Variants in GRM1 observed in about 807,000 individuals in gnomAD.
The protein encoded by GRM1 is metabotropic glutamate receptor 1.
GRM1 carries 33 observed loss-of-function variants against 90.9 expected under a neutral mutation model. The observed-to-expected ratio is 0.36, with a 90% CI of 0.28 to 0.49. GRM1 has a LOEUF of 0.49. Among genes scored for constraint, GRM1 ranks in the 20% least tolerant of loss-of-function variants. GRM1 has a pLI of 0.99. For missense variants in GRM1, 1,190 were observed against 1,534.3 expected (o/e 0.78, Z 3.75); for synonymous variants, 700 against 613.2 (o/e 1.14, Z -2.09).
rs772966925 is a variant in GRM1, at chr6:146,159,639, T to TCA, written c.950+43_950+44insAC. ...CTCTCTCTCTCTCTCTCTCTCTCTC[T>TCA]CTCACACACACACATGCACACACAC... On this transcript the variant is annotated intron_variant, in intron 2 of 7. Coordinates refer to ENST00000282753, the MANE Select transcript of GRM1 (RefSeq NM_001278064.2). 328 of 1,126,874 alleles carry TCA rather than the reference T, an allele frequency of 2.9e-4. 6 individuals carry two copies. The African/African-American group carries it at 5.2e-3, about 18-fold the overall frequency. 69.8% of individuals were successfully genotyped at this position (1,126,874 alleles called of 1,614,324 possible).
intron 2 of GRM1, among the ~76,000 whole-genome samples, chr6:146,276,151 T>C (rs1458902682): frequency 6.6e-6 from 1 of 152,218 alleles, no homozygotes; most frequent in Non-Finnish European, 1.5e-5. Flanking sequence ...GGCCTAGAGC[T>C]ATCTTAAAAT....
At chr6:146,379,930 GTCTCTCTCTCTCTC>G (rs56732675) in intron 5 of GRM1, among the ~76,000 whole-genome samples, 1 of 147,760 alleles carries the variant, frequency 6.8e-6, no homozygotes, top group Non-Finnish European at 1.5e-5. Context: ...TACAGAGTCT[GTCTCTCTCTCTCTC>G]TCTCTCTCTC....
intron 1 of GRM1, among the ~76,000 whole-genome samples, chr6:146,122,174 A>G (rs923979900): frequency 6.6e-6 from 1 of 152,176 alleles, no homozygotes; most frequent in Non-Finnish European, 1.5e-5. Context: ...TTTTGTCTAG[A>G]TAAAAATCTT....
intron 2 of GRM1, among the ~76,000 whole-genome samples, chr6:146,293,380 A>G (rs140437445): frequency 2.6e-4 from 40 of 152,190 alleles, no homozygotes; most frequent in Middle Eastern, 3.4e-3. Flanking sequence ...ATGTCTCTAC[A>G]GGACTGACTT....
At chr6:146,311,711 A>G (rs769222116) in intron 3 of GRM1, among the ~76,000 whole-genome samples, 3 of 152,182 alleles carry the variant, frequency 2.0e-5, no homozygotes, top group Non-Finnish European at 4.4e-5. Flanking sequence ...AAAATAGTTT[A>G]TTTCTTATAA....
intron 2 of GRM1, among the ~76,000 whole-genome samples, chr6:146,190,028 G>C (rs757245967): frequency 6.6e-6 from 1 of 152,170 alleles, no homozygotes; most frequent in Non-Finnish European, 1.5e-5. Flanking sequence ...ATAGGGCCTT[G>C]GAGTTGTTGA....
At chr6:146,318,313 C>T (rs1036460576) in intron 3 of GRM1, among the ~76,000 whole-genome samples, 2 of 152,148 alleles carry the variant, frequency 1.3e-5, no homozygotes, top group African/African-American at 4.8e-5. Flanking sequence ...ATCCATGTCC[C>T]TGCAAAGGAC....
intron 5 of GRM1, among the ~76,000 whole-genome samples, chr6:146,372,719 CT>C (rs1775948823): frequency 6.6e-6 from 1 of 152,002 alleles, no homozygotes; most frequent in South Asian, 2.1e-4. Flanking sequence ...AAGATGATGT[CT>C]TTTTCCTAGT....
At position 146,156,124 on chromosome 6, in the gene GRM1, G is replaced by A. The variant is rs116972845; in HGVS notation, c.701-3224G>A. Among the ~76,000 whole-genome samples, 39 of 152,132 alleles carry A rather than the reference G, an allele frequency of 2.6e-4. No homozygotes were observed. The East Asian group carries it at 6.0e-3, about 23-fold the overall frequency. On this transcript the variant is annotated intron_variant, in intron 1 of 7. Coordinates refer to ENST00000282753, the MANE Select transcript of GRM1 (RefSeq NM_001278064.2). Reference sequence around the variant, plus strand: ...GCTACCATGAAAGTAGGCTTCTATCGGCCAGGCACAGTGACTCATGCCTGT... The same window carrying A: ...GCTACCATGAAAGTAGGCTTCTATCAGCCAGGCACAGTGACTCATGCCTGT...
chr6:146,093,042 C>T (rs1331652099), intron 1 of GRM1, among the ~76,000 whole-genome samples: 1 of 151,988 alleles, frequency 6.6e-6, no homozygotes, highest in African/African-American at 2.4e-5. Flanking sequence ...CCACATTATT[C>T]GTCTTAGGTA....
intron 1 of GRM1, among the ~76,000 whole-genome samples, chr6:146,041,946 G>A (rs1273869624): frequency 1.3e-5 from 2 of 151,990 alleles, no homozygotes; most frequent in African/African-American, 4.8e-5. Context: ...GGTGTCTGGT[G>A]AGGGCTGCTG....
At chr6:146,061,978 A>T (rs1775686372) in intron 1 of GRM1, among the ~76,000 whole-genome samples, 1 of 152,170 alleles carries the variant, frequency 6.6e-6, no homozygotes, top group Non-Finnish European at 1.5e-5. Context: ...TATTTGACCC[A>T]GCAATCCCAT....
At chr6:146,293,821 T>C (rs1404032977) in intron 2 of GRM1, among the ~76,000 whole-genome samples, 1 of 151,698 alleles carries the variant, frequency 6.6e-6, no homozygotes, top group Non-Finnish European at 1.5e-5. Flanking sequence ...GTCTTACTAA[T>C]TAAGCTTTTC....
chr6:146,432,314 A>G (rs1778442145), intron 7 of GRM1, among the ~76,000 whole-genome samples: 1 of 152,152 alleles, frequency 6.6e-6, no homozygotes, highest in Admixed American at 6.5e-5. Flanking sequence ...TATATCCAGA[A>G]TTTTCTATAA....
chr6:146,424,011 C>T (rs1382786866), intron 7 of GRM1, among the ~76,000 whole-genome samples: 2 of 152,158 alleles, frequency 1.3e-5, no homozygotes, highest in Non-Finnish European at 2.9e-5. Flanking sequence ...TGTGACTGCA[C>T]GTGCTCAGCC....
At chr6:146,119,010 T>C (rs2128876534) in intron 1 of GRM1, among the ~76,000 whole-genome samples, 1 of 152,316 alleles carries the variant, frequency 6.6e-6, no homozygotes, top group African/African-American at 2.4e-5. Context: ...CTTGAGGAAT[T>C]GCCACACTGA....
At chr6:146,137,805 T>G (rs1301649872) in intron 1 of GRM1, among the ~76,000 whole-genome samples, 1 of 151,696 alleles carries the variant, frequency 6.6e-6, no homozygotes, top group African/African-American at 2.4e-5. Context: ...TATTTTTCCA[T>G]TTTTTGTGTC....
At chr6:146,251,604 A>G (rs1405793276) in intron 2 of GRM1, among the ~76,000 whole-genome samples, 1 of 152,224 alleles carries the variant, frequency 6.6e-6, no homozygotes, top group Non-Finnish European at 1.5e-5. Flanking sequence ...ACAGTTGTTC[A>G]GAAGCATGGC....
intron 2 of GRM1, among the ~76,000 whole-genome samples, chr6:146,277,521 C>A (rs1225718992): frequency 6.6e-6 from 1 of 152,200 alleles, no homozygotes; most frequent in Non-Finnish European, 1.5e-5. Context: ...CCCTGGACAT[C>A]AAGATTTGAG....
Sources: gnomAD v4.1 joint callset for allele counts (sites outside exome capture counted in the v4.1 genomes callset) on GRCh38, gnomAD v4.1.1 for gene constraint, MANE v1.5 for transcripts, NCBI Gene and HGNC (gene_info 2026-07-23, HGNC 2026-07-21) for gene names.